Variants in PPARGC1B observed in about 807,000 individuals in gnomAD.
PPARGC1B encodes PPARG coactivator 1 beta, also known as peroxisome proliferator-activated receptor gamma coactivator 1-beta.
In PPARGC1B, 34 loss-of-function variants were observed where a neutral mutation model predicts 101.6. That is an observed-to-expected ratio of 0.33 (90% CI 0.25 to 0.45). The LOEUF (loss-of-function observed/expected upper bound fraction) is 0.45. PPARGC1B is among the 20% of genes least tolerant of loss of function. The pLI, the probability that PPARGC1B is intolerant of heterozygous loss-of-function variation, is 1.00. For synonymous variants in PPARGC1B, 548 were observed against 539.3 expected, an observed-to-expected ratio of 1.02 and a Z score of -0.22; for missense variants, 1,234 against 1,317.6, an observed-to-expected ratio of 0.94 and a Z score of 0.98.
chr5:149,792,919 G>A (rs958647878), intron 1 of PPARGC1B, among the ~76,000 whole-genome samples: 4 of 151,932 alleles, frequency 2.6e-5, no homozygotes, highest in East Asian at 1.9e-4. Context: ...CTGGAGTCTC[G>A]TGTCTGTCCT....
At chr5:149,767,082 G>A (rs751097497) in intron 1 of PPARGC1B, among the ~76,000 whole-genome samples, 2 of 152,204 alleles carry the variant, frequency 1.3e-5, no homozygotes, top group Non-Finnish European at 2.9e-5. Flanking sequence ...TATCCCTCAT[G>A]CCAGGGGAGG....
rs566689201 is a variant in PPARGC1B at position 149,799,791 on chromosome 5, G to A, written c.79-20642G>A. ...CAGCTCACTGCAACCTCCGCCTCCCGGGTTCAAGTGATTATCCTGCCTCAG... is the reference window on the plus strand; with the variant it reads ...CAGCTCACTGCAACCTCCGCCTCCCAGGTTCAAGTGATTATCCTGCCTCAG... On this transcript the variant is annotated intron_variant, in intron 1 of 11. Transcript: ENST00000309241. Among the ~76,000 whole-genome samples the A allele has an allele frequency of 6.1e-5, 8 of 132,148 alleles. No individual in the cohort carries two copies. The Admixed American group carries it at 6.7e-4, about 11-fold the overall frequency. The allele number at this position is 132,148 out of a possible 152,430, so 86.7% of individuals were successfully genotyped here.
intron 1 of PPARGC1B, among the ~76,000 whole-genome samples, chr5:149,747,080 A>G (rs1232706102): frequency 1.3e-5 from 2 of 152,200 alleles, no homozygotes; most frequent in Non-Finnish European, 1.5e-5. Flanking sequence ...CTTCTAATTC[A>G]CAAAATTAAA....
chr5:149,845,683 C>T, intron 10 of PPARGC1B, 77 bp from the exon 11 acceptor site: 1 of 1,466,442 alleles, frequency 6.8e-7, no homozygotes, highest in Non-Finnish European at 9.2e-7. Context: ...CAGTCGGTTC[C>T]TCATCTAGTA....
At chr5:149,804,578 A>C (rs1757532424) in intron 1 of PPARGC1B, among the ~76,000 whole-genome samples, 1 of 152,216 alleles carries the variant, frequency 6.6e-6, no homozygotes, top group African/African-American at 2.4e-5. Context: ...ACGCTGAAGC[A>C]GGAGAATCGC....
At chr5:149,826,372 G>C (rs528889312) in intron 2 of PPARGC1B, among the ~76,000 whole-genome samples, 1 of 152,298 alleles carries the variant, frequency 6.6e-6, no homozygotes, top group South Asian at 2.1e-4. Flanking sequence ...CCTGTGCCCA[G>C]GTATGTGATA....
rs1044208145 is a variant in PPARGC1B, at chr5:149,730,930, C to A, written c.78+510C>A. Among the ~76,000 whole-genome samples, 1 of 152,250 alleles carries A rather than the reference C, an allele frequency of 6.6e-6. No homozygotes were observed. Among genetic ancestry groups the A allele is most frequent in the Non-Finnish European group, 1.5e-5 (1 of 68,046 alleles). On this transcript the variant is annotated intron_variant, in intron 1 of 11. Transcript: ENST00000309241. This position sits in a 1 kb window ranked among gnomAD's most constrained non-coding sequence, Gnocchi z 4.0. Reference sequence around the variant, plus strand: ...CCCCCCGCGGCTTTCTACCCGCGCCCGCAGCGCGGAGTTTCCTGCCAGTTG... The same window carrying A: ...CCCCCCGCGGCTTTCTACCCGCGCCAGCAGCGCGGAGTTTCCTGCCAGTTG...
rs547357963 is a variant in PPARGC1B, at chr5:149,854,780, T to C, written c.*7222T>C. On this transcript the variant is annotated 3_prime_UTR_variant, in exon 12 of 12. Coordinates refer to ENST00000309241, the MANE Select transcript of PPARGC1B (RefSeq NM_133263.4). ...ATTTGTACATTGTCAGATTCTATAG[T>C]TTCCTAGATAATTTAACCAAATTGC... is the stretch of plus-strand genomic sequence containing the variant. The C allele has an allele frequency of 7.2e-5, 11 of 152,230 alleles. No individual in the cohort carries two copies. Among genetic ancestry groups the C allele is most frequent in the Non-Finnish European group, 1.6e-4 (11 of 68,038 alleles). 9.4% of individuals were successfully genotyped at this position (152,230 alleles called of 1,614,324 possible). A position where few individuals can be genotyped will look rare whatever the true frequency, so the allele number is the denominator to read the frequency against.
At chr5:149,760,120 C>G (rs55954911) in intron 1 of PPARGC1B, among the ~76,000 whole-genome samples, 1 of 152,130 alleles carries the variant, frequency 6.6e-6, no homozygotes, top group East Asian at 1.9e-4. Context: ...TCATTCCTTA[C>G]GCATACACTG....
At chr5:149,755,561 C>T (rs932158166) in intron 1 of PPARGC1B, among the ~76,000 whole-genome samples, 2 of 151,378 alleles carry the variant, frequency 1.3e-5, no homozygotes, top group African/African-American at 4.9e-5. Flanking sequence ...TGAAACAGTG[C>T]GGGAGTCCTT....
rs545216393 is a variant in PPARGC1B at position 149,841,356 on chromosome 5, C to G, written c.2695-900C>G. 7.2e-5 allele frequency among the ~76,000 whole-genome samples: 11 copies of G among 152,214 alleles called. No homozygotes were observed. In the South Asian group the frequency reaches 2.1e-3, roughly 29 times the overall value. ...CAAGGAGAGTGGGAGGAGGGGATTT[C>G]TCTGTTGAGCTGAGCTTGGACATCG... On this transcript the variant is annotated intron_variant, in intron 9 of 11. Transcript: ENST00000309241.
At chr5:149,732,307 C>T (rs930503301) in intron 1 of PPARGC1B, among the ~76,000 whole-genome samples, 2 of 152,122 alleles carry the variant, frequency 1.3e-5, no homozygotes, top group Non-Finnish European at 2.9e-5. Flanking sequence ...TCGAAATTGC[C>T]CTGGGGCGTC....
chr5:149,784,604 G>A (rs10476921), intron 1 of PPARGC1B, among the ~76,000 whole-genome samples: 89,004 of 133,914 alleles, frequency 0.66, 30,284 homozygotes, highest in African/African-American at 0.84. Flanking sequence ...GTCTCGCTCT[G>A]TCGCCCAGGC....
chr5:149,781,169 C>T (rs141660005), intron 1 of PPARGC1B, among the ~76,000 whole-genome samples: 4,072 of 149,780 alleles, frequency 0.027, 73 homozygotes, highest in South Asian at 0.063. Context: ...TGTGCCACTG[C>T]ACTCCAGCCT....
chr5:149,841,375 G>A (rs1160619294), intron 9 of PPARGC1B, among the ~76,000 whole-genome samples: 1 of 152,246 alleles, frequency 6.6e-6, no homozygotes, highest in East Asian at 1.9e-4. Context: ...GCTGAGCTTG[G>A]ACATCGTATG....
At chr5:149,823,996 A>G (rs1286638057) in intron 2 of PPARGC1B, among the ~76,000 whole-genome samples, 3 of 151,928 alleles carry the variant, frequency 2.0e-5, no homozygotes, top group South Asian at 2.1e-4. Context: ...CCCTGCCACC[A>G]CGCCCCCCAA....
Position 149,847,569 on chromosome 5 carries a change from A to G in PPARGC1B, c.*11A>G. 6.3e-7 allele frequency: 1 copy of G among 1,599,662 alleles called. No homozygotes were observed. The stretch of plus-strand genomic sequence containing the variant: ...CAGAGCCTGCATTGATAACAGCCTT[A>G]ACCCTCGAGGAATACCTCAATACCT... On this transcript the variant is annotated 3_prime_UTR_variant, in exon 12 of 12. Transcript: ENST00000309241.
chr5:149,756,653 C>A (rs1466805525), intron 1 of PPARGC1B, among the ~76,000 whole-genome samples: 1 of 152,144 alleles, frequency 6.6e-6, no homozygotes, highest in African/African-American at 2.4e-5. Flanking sequence ...CACAGAGCTT[C>A]CCTAAGGAGA....
chr5:149,815,968 A>G (rs948725918), intron 1 of PPARGC1B, among the ~76,000 whole-genome samples: 3 of 152,160 alleles, frequency 2.0e-5, no homozygotes, highest in African/African-American at 4.8e-5. Context: ...GCATCCAGTA[A>G]GGGCTCCATA....
Sources: allele counts gnomAD v4.1 joint callset (sites outside exome capture counted in the v4.1 genomes callset), GRCh38; gene constraint gnomAD v4.1.1; non-coding constraint Gnocchi (gnomAD v3.1); transcripts MANE v1.5; gene names NCBI Gene and HGNC (gene_info 2026-07-23, HGNC 2026-07-21).